The following TRIOBP variants were observed in gnomAD, a reference collection of about 807,000 sequenced individuals.
TRIOBP encodes the protein TRIO and F-actin-binding protein.
In TRIOBP, 169 loss-of-function variants were observed where a neutral mutation model predicts 238.8. That is an observed-to-expected ratio of 0.71 (90% CI 0.62 to 0.80). The LOEUF is 0.80. Ranked by LOEUF, TRIOBP falls within the 30% of genes least tolerant of loss-of-function variation. TRIOBP has a pLI of 0.00. For synonymous variants in TRIOBP, 1,150 were observed against 1,274.4 expected (o/e 0.90, Z 2.08); for missense variants, 2,838 against 3,122.6 (o/e 0.91, Z 2.17).
chr22:37,746,044 C>CCCCGACGTCCCGCCGT (rs1925221768), intron 11 of TRIOBP, among the ~76,000 whole-genome samples: 1 of 134,548 alleles, frequency 7.4e-6, no homozygotes. Flanking sequence ...CATCCGCCCA[C>CCCCGACGTCCCGCCGT]CCCGCCGTCC....
intron 18 of TRIOBP, among the ~76,000 whole-genome samples, chr22:37,767,304 CA>C (rs10666177): frequency 3.6e-5 from 5 of 140,612 alleles, no homozygotes; most frequent in Non-Finnish European, 4.6e-5. Context: ...GACTCTGTCT[CA>C]AAAAAAAAAA....
At position 37,769,050 on chromosome 22, in the gene TRIOBP, C is replaced by T. The variant is rs727503528; in HGVS notation, c.6598C>T (p.Arg2200Ter). Residue 2200 changes from arginine (R) to a stop codon, truncating the protein, a stop_gained, in exon 20 of 24, where the codon CGA (arginine) becomes TGA (stop). Transcript: ENST00000644935. LOFTEE classifies it high-confidence loss of function. Reference protein sequence around the residue: ...QHQSDVEALKRELQVLSEQYS... With the variant: ...QHQSDVEALK The stretch of plus-strand genomic sequence containing the variant: ...CAGGTCAGATGTGGAGGCACTGAAG[C>T]GAGAGCTGCAGGTGCTATCGGAGCA... 2.5e-6 allele frequency: 4 copies of T among 1,613,360 alleles called. No individual in the cohort carries two copies. Among genetic ancestry groups the T allele is most frequent in the Non-Finnish European group, 3.4e-6 (4 of 1,180,042 alleles).
chr22:37,729,497 TG>T (rs770172525), intron 7 of TRIOBP, among the ~76,000 whole-genome samples: 1 of 152,226 alleles, frequency 6.6e-6, no homozygotes, highest in Non-Finnish European at 1.5e-5. Flanking sequence ...GACCTTTTTA[TG>T]ATTACTATTT....
intron 3 of TRIOBP, among the ~76,000 whole-genome samples, chr22:37,702,634 C>CTCTT (rs1226390715): frequency 3.7e-5 from 3 of 81,202 alleles, no homozygotes; most frequent in African/African-American, 5.0e-5. Flanking sequence ...TTCTCTCTCT[C>CTCTT]TTTTTTTTTT....
Position 37,718,759 on chromosome 22 carries a change from G to A in TRIOBP, c.628+2825G>A, listed in dbSNP as rs144251166. On this transcript the variant is annotated intron_variant, in intron 6 of 23. Coordinates refer to ENST00000644935, the MANE Select transcript of TRIOBP (RefSeq NM_001039141.3). The stretch of plus-strand genomic sequence containing the variant: ...TAAAAGAGACTAACAGGATGAGGAC[G>A]TGGAATGCCATGTGTGAGCCCATTG... Among the ~76,000 whole-genome samples the A allele has an allele frequency of 3.1e-4, 47 of 151,840 alleles. No individual in the cohort carries two copies. In the East Asian group the frequency reaches 9.0e-3, roughly 29 times the overall value.
chr22:37,720,000 CTTTTT>C lies in TRIOBP; in HGVS notation c.629-3163_629-3159del, dbSNP rs869261824. 6.5e-3 allele frequency among the ~76,000 whole-genome samples: 353 copies of C among 54,362 alleles called. 42 individuals carry two copies. Among genetic ancestry groups the C allele is most frequent in the Admixed American group, 1.0e-2 (35 of 3,504 alleles). The allele number at this position is 54,362 out of a possible 152,430, so 35.7% of individuals were successfully genotyped here. A position where few individuals can be genotyped will look rare whatever the true frequency, so the allele number is the denominator to read the frequency against. ...ACTGTTTCACTCATCCCCCCCCGCC[CTTTTT>C]TTTTTTTTTTTTTTTTTTTTTGAGA... On this transcript the variant is annotated intron_variant, in intron 6 of 23. Coordinates refer to ENST00000644935, the MANE Select transcript of TRIOBP (RefSeq NM_001039141.3).
chr22:37,726,192 G>C lies in TRIOBP; in HGVS notation c.3636G>C (p.Leu1212=). The C allele has an allele frequency of 6.5e-7, 1 of 1,541,572 alleles. No homozygotes were observed. Among genetic ancestry groups the C allele is most frequent in the Non-Finnish European group, 8.7e-7 (1 of 1,146,898 alleles). ...STDSLHGSPV[L]IPQVCIGHRD... ...ACTCTCTGCATGGCTCCCCAGTGCT[G>C]ATCCCCCAAGTGTGCATCGGGCACC... Residue 1212 remains leucine (L), a synonymous_variant, in exon 7 of 24, where the codon CTG becomes CTC. Coordinates refer to ENST00000644935, the MANE Select transcript of TRIOBP (RefSeq NM_001039141.3).
At chr22:37,707,010 G>A (rs1922978042) in intron 3 of TRIOBP, among the ~76,000 whole-genome samples, 1 of 152,204 alleles carries the variant, frequency 6.6e-6, no homozygotes, top group South Asian at 2.1e-4. Flanking sequence ...GCTCACGCCT[G>A]TAATCCCAGC....
intron 11 of TRIOBP, among the ~76,000 whole-genome samples, chr22:37,747,127 C>T (rs1925323963): frequency 6.6e-6 from 1 of 152,084 alleles, no homozygotes; most frequent in Non-Finnish European, 1.5e-5. Context: ...ATTACCTGTG[C>T]CATAGTTAGC....
At chr22:37,729,879 C>T (rs1397242244) in intron 7 of TRIOBP, among the ~76,000 whole-genome samples, 4 of 152,276 alleles carry the variant, frequency 2.6e-5, no homozygotes, top group East Asian at 3.9e-4. Flanking sequence ...GTGTAAGGGA[C>T]AGACTGGAGC....
intron 3 of TRIOBP, among the ~76,000 whole-genome samples, chr22:37,703,066 G>C (rs915265195): frequency 6.6e-6 from 1 of 151,674 alleles, no homozygotes; most frequent in African/African-American, 2.4e-5. Flanking sequence ...CTCAATCTCA[G>C]CTCACTGCAA....
chr22:37,707,747 C>G (rs931383010), intron 3 of TRIOBP, among the ~76,000 whole-genome samples: 8 of 148,770 alleles, frequency 5.4e-5, no homozygotes, highest in African/African-American at 1.7e-4. Flanking sequence ...TTCGAGACCA[C>G]CCTGGCCAAC....
Position 37,775,159 on chromosome 22 carries a change from C to G in TRIOBP, c.*1379C>G, listed in dbSNP as rs1240417332. The stretch of plus-strand genomic sequence containing the variant: ...CACATCCAGTAGGGGTCCTGGAAGG[C>G]TGTGAGAACCCAGAGGAGACCCTGA... On this transcript the variant is annotated 3_prime_UTR_variant, in exon 24 of 24. Coordinates refer to ENST00000644935, the MANE Select transcript of TRIOBP (RefSeq NM_001039141.3). 6.6e-6 allele frequency: 1 copy of G among 152,198 alleles called. No homozygotes were observed. Among genetic ancestry groups the G allele is most frequent in the Non-Finnish European group, 1.5e-5 (1 of 68,054 alleles). 9.4% of individuals were successfully genotyped at this position (152,198 alleles called of 1,614,324 possible).
Position 37,725,559 on chromosome 22 carries a change from G to A in TRIOBP, c.3003G>A (p.Gly1001=), listed in dbSNP as rs773394437. 3.7e-6 allele frequency: 6 copies of A among 1,613,502 alleles called. No homozygotes were observed. The East Asian group carries it at 1.3e-4, about 36-fold the overall frequency. Residue 1001 remains glycine (G), a synonymous_variant, in exon 7 of 24, where the codon GGG becomes GGA. Transcript: ENST00000644935. ...CACCTGTGTACCCCGCTGCCTATGG[G>A]GCTCCCCTGACCTCTCCTGAGCCCT... ...TSSPVYPAAY[G]APLTSPEPSQ...
At chr22:37,746,494 C>T (rs1414778540) in intron 11 of TRIOBP, 9 of 1,263,478 alleles carry the variant, frequency 7.1e-6, no homozygotes, top group African/African-American at 3.2e-5. Context: ...CCCAGCCTCT[C>T]CCCTCCGGGG....
At chr22:37,709,870 T>G (rs1245551007) in intron 3 of TRIOBP, among the ~76,000 whole-genome samples, 1 of 152,144 alleles carries the variant, frequency 6.6e-6, no homozygotes, top group Non-Finnish European at 1.5e-5. Context: ...GGGGCAAATC[T>G]CTTCTGTCCT....
chr22:37,768,491 T>C lies in TRIOBP; in HGVS notation c.6575+315T>C, dbSNP rs1268762968. Among the ~76,000 whole-genome samples, 5 of 152,260 alleles carry C rather than the reference T, an allele frequency of 3.3e-5. No individual in the cohort carries two copies. In the East Asian group the frequency reaches 9.7e-4, roughly 29 times the overall value. On this transcript the variant is annotated intron_variant, in intron 19 of 23. Transcript: ENST00000644935. ...CTCTCCCTGCCCCAGAGCACAGTTT[T>C]GGAATGTTGAGGTTTCAGGGGCTTT...
At chr22:37,755,074 G>A (rs755594771) in intron 13 of TRIOBP, 27 bp from the exon 14 acceptor site, 14 of 1,611,326 alleles carry the variant, frequency 8.7e-6, no homozygotes, top group African/African-American at 1.3e-5. Context: ...GGGCCCACAC[G>A]GACCATAGTG....
At chr22:37,699,849 C>T (rs936013166) in intron 2 of TRIOBP, among the ~76,000 whole-genome samples, 7 of 149,524 alleles carry the variant, frequency 4.7e-5, no homozygotes, top group Non-Finnish European at 8.9e-5. Context: ...CCAGGAATCG[C>T]TTCTTTATTT....
Sources: gnomAD v4.1 joint callset for allele counts (sites outside exome capture counted in the v4.1 genomes callset) on GRCh38, gnomAD v4.1.1 for gene constraint, MANE v1.5 for transcripts, NCBI Gene and HGNC (gene_info 2026-07-23, HGNC 2026-07-21) for gene names.